Variants in EPS15 observed in about 807,000 individuals in gnomAD.
EPS15 encodes the protein epidermal growth factor receptor substrate 15.
EPS15 carries 72 observed loss-of-function variants against 113.8 expected under a neutral mutation model. That is an observed-to-expected ratio of 0.63 (90% CI 0.52 to 0.77). The LOEUF (loss-of-function observed/expected upper bound fraction) is 0.77. EPS15 is among the 30% of genes least tolerant of loss of function. The pLI is 0.00. For missense variants in EPS15, 1,048 were observed against 1,045.8 expected (o/e 1.00, Z -0.03); for synonymous variants, 344 against 363.4 (o/e 0.95, Z 0.61).
chr1:51,415,796 C>CAAAAAA (rs55806131), intron 13 of EPS15, among the ~76,000 whole-genome samples: 20 of 21,968 alleles, frequency 9.1e-4, no homozygotes, highest in Admixed American at 1.8e-3. Flanking sequence ...AACTCCGTCT[C>CAAAAAA]AAAAAAAAAA....
intron 12 of EPS15, among the ~76,000 whole-genome samples, chr1:51,425,188 G>A (rs991615285): frequency 7.9e-5 from 12 of 152,104 alleles, no homozygotes; most frequent in South Asian, 4.1e-4. Flanking sequence ...TCCATGGAGC[G>A]GTGAATTTGA....
intron 4 of EPS15, among the ~76,000 whole-genome samples, chr1:51,470,646 C>A (rs1373143228): frequency 1.3e-3 from 94 of 72,942 alleles, no homozygotes; most frequent in African/African-American, 2.2e-3. Flanking sequence ...GGCTCTGTCT[C>A]AAAAAAAAAA....
rs35371705 is a variant in EPS15, at chr1:51,447,022, T to C, written c.735A>G (p.Gly245=). ...TDKDMDGFVS[G]LEVREIFLKT... ...TCAAGAATATTTCACGGACCTCCAATCCAGACACAAATCCGTCCATATCTT... is the reference window on the plus strand; with the variant it reads ...TCAAGAATATTTCACGGACCTCCAACCCAGACACAAATCCGTCCATATCTT... The change falls in exon 10 of 25, where the codon GGA becomes GGG. Residue 245 remains glycine (G), a synonymous_variant. Coordinates refer to ENST00000371733, the MANE Select transcript of EPS15 (RefSeq NM_001981.3). 9.0e-3 allele frequency: 14,481 copies of C among 1,613,540 alleles called. 86 individuals are homozygous for C. The highest frequency in any genetic ancestry group is 0.011 in the Non-Finnish European group (12,896 of 1,179,566).
chr1:51,472,665 T>C (rs1445767954), intron 3 of EPS15, among the ~76,000 whole-genome samples, 194 bp downstream of exon 3: 1 of 152,182 alleles, frequency 6.6e-6, no homozygotes, highest in African/African-American at 2.4e-5. Context: ...TCTAAAAATC[T>C]GAAAAACACC....
intron 21 of EPS15, among the ~76,000 whole-genome samples, chr1:51,371,511 T>TA (rs1388516313): frequency 0.012 from 1,519 of 128,502 alleles, 27 homozygotes; most frequent in African/African-American, 0.037. Context: ...GTTTAAAAGT[T>TA]AAAAAAAAAA....
chr1:51,478,378 C>T (rs1643954964), intron 2 of EPS15, among the ~76,000 whole-genome samples: 1 of 152,208 alleles, frequency 6.6e-6, no homozygotes, highest in Admixed American at 6.5e-5. Flanking sequence ...CTCCTGAATA[C>T]AGCACACTGA....
At chr1:51,381,754 CTTGAA>C (rs1646947207) in intron 21 of EPS15, among the ~76,000 whole-genome samples, 1 of 151,994 alleles carries the variant, frequency 6.6e-6, no homozygotes, top group African/African-American at 2.4e-5. Context: ...TAGAAAATAT[CTTGAA>C]ACAAATGAAA....
intron 12 of EPS15, among the ~76,000 whole-genome samples, chr1:51,435,289 G>A (rs1383378781): frequency 6.6e-6 from 1 of 151,950 alleles, no homozygotes; most frequent in Non-Finnish European, 1.5e-5. Flanking sequence ...TGCCACCCAG[G>A]TTCAAGCGAT....
At position 51,364,500 on chromosome 1, in the gene EPS15, AT is replaced by A. The variant is rs11386357; in HGVS notation, c.2197-473del. ...AACTATAAGGACAACTTGAAAGTCA[AT>A]TTTTTTTTTTTTTAATTTAAAAGGC... On this transcript the variant is annotated intron_variant, in intron 22 of 24. Coordinates refer to ENST00000371733, the MANE Select transcript of EPS15 (RefSeq NM_001981.3). Among the ~76,000 whole-genome samples the A allele has an allele frequency of 2.3e-3, 338 of 146,584 alleles. 1 individual carries two copies. The highest frequency in any genetic ancestry group is 0.011 in the East Asian group (55 of 5,002).
At position 51,511,039 on chromosome 1, in the gene EPS15, G is replaced by A. The variant is rs190801852; in HGVS notation, c.33+8160C>T. On this transcript the variant is annotated intron_variant, in intron 1 of 24. Transcript: ENST00000371733. ...AAATTAGCCAGGTGTGGCGGTGGGC[G>A]CCTATAATCCCAGCTACTTGGGAGG... Among the ~76,000 whole-genome samples, 341 of 152,036 alleles carry A rather than the reference G, an allele frequency of 2.2e-3. 1 individual carries two copies. Among genetic ancestry groups the A allele is most frequent in the East Asian group, 0.014 (73 of 5,164 alleles).
At chr1:51,507,739 A>C (rs980691067) in intron 1 of EPS15, among the ~76,000 whole-genome samples, 6 of 152,072 alleles carry the variant, frequency 3.9e-5, no homozygotes, top group Non-Finnish European at 8.8e-5. Context: ...TGTGTGTATG[A>C]AAGAGAGATA....
chr1:51,356,864 G>A lies in EPS15; in HGVS notation c.2545-18C>T, dbSNP rs375896838. 127 of 1,594,838 alleles carry A rather than the reference G, an allele frequency of 8.0e-5. No individual in the cohort carries two copies. Among genetic ancestry groups the A allele is most frequent in the Non-Finnish European group, 9.7e-5 (114 of 1,172,962 alleles). On this transcript the variant is annotated intron_variant, in intron 24 of 24. Coordinates refer to ENST00000371733, the MANE Select transcript of EPS15 (RefSeq NM_001981.3). Reference sequence around the variant, plus strand: ...GAGGGATACTGCCATTTAAAAGATCGATGAACAAACGAATAAATAAATGAG... The same window carrying A: ...GAGGGATACTGCCATTTAAAAGATCAATGAACAAACGAATAAATAAATGAG...
At chr1:51,403,953 C>T (rs1424350260) in intron 16 of EPS15, among the ~76,000 whole-genome samples, 1 of 152,150 alleles carries the variant, frequency 6.6e-6, no homozygotes, top group African/African-American at 2.4e-5. Flanking sequence ...AAACTAATAG[C>T]TCTAAAATGT....
chr1:51,453,041 T>G (rs1653701875), intron 8 of EPS15, among the ~76,000 whole-genome samples: 1 of 152,202 alleles, frequency 6.6e-6, no homozygotes, highest in Admixed American at 6.5e-5. Flanking sequence ...TCAATTTCAG[T>G]TTTAGAAACA....
chr1:51,430,731 G>A (rs757241910), intron 12 of EPS15, among the ~76,000 whole-genome samples: 2 of 152,036 alleles, frequency 1.3e-5, no homozygotes, highest in Non-Finnish European at 2.9e-5. Context: ...TGAAGTGGGA[G>A]GACCACTTGA....
intron 21 of EPS15, among the ~76,000 whole-genome samples, chr1:51,383,367 T>C (rs1404010913): frequency 2.0e-5 from 3 of 152,218 alleles, no homozygotes; most frequent in South Asian, 2.1e-4. Flanking sequence ...CTATTCAATA[T>C]AGCAGCAGTT....
intron 1 of EPS15, among the ~76,000 whole-genome samples, chr1:51,491,863 T>A (rs1225228030): frequency 2.0e-5 from 3 of 149,620 alleles, no homozygotes; most frequent in Admixed American, 2.0e-4. Flanking sequence ...CATTTAATTT[T>A]TTTTTTTTTT....
intron 1 of EPS15, among the ~76,000 whole-genome samples, chr1:51,513,068 C>G (rs1300750941): frequency 6.6e-6 from 1 of 151,964 alleles, no homozygotes; most frequent in Non-Finnish European, 1.5e-5. Flanking sequence ...TGGCTTCAAT[C>G]AATCCTTCCG....
intron 15 of EPS15, 27 bp from the exon 16 acceptor site, chr1:51,406,135 A>G (rs1649107728): frequency 6.3e-7 from 1 of 1,593,762 alleles, no homozygotes; most frequent in Non-Finnish European, 8.6e-7. Context: ...GAAATATAGA[A>G]CAGAATTTAT....
Sources: allele counts gnomAD v4.1 joint callset (sites outside exome capture counted in the v4.1 genomes callset), GRCh38; gene constraint gnomAD v4.1.1; transcripts MANE v1.5; gene names NCBI Gene and HGNC (gene_info 2026-07-23, HGNC 2026-07-21).